Variants in KCND2 observed in about 807,000 individuals in gnomAD.
The protein encoded by KCND2 is potassium voltage-gated channel subfamily D member 2.
In KCND2, 16 loss-of-function variants were observed where a neutral mutation model predicts 54.4. The ratio of observed to expected loss-of-function variants is 0.29; its 90% CI spans 0.20 to 0.45. The LOEUF (loss-of-function observed/expected upper bound fraction) is 0.45. KCND2 is among the 20% of genes least tolerant of loss of function. The probability of loss-of-function intolerance (pLI) is 1.00; values close to 1 mark genes in which losing one functional copy is unlikely to be tolerated. For synonymous variants in KCND2, 317 were observed against 310.7 expected (o/e 1.02, Z -0.21); for missense variants, 486 against 824.2 (o/e 0.59, Z 5.02).
At chr7:120,618,778 CAT>C (rs1414276814) in intron 1 of KCND2, among the ~76,000 whole-genome samples, 2 of 152,154 alleles carry the variant, frequency 1.3e-5, no homozygotes, top group African/African-American at 4.8e-5. Context: ...AATTTAAAAA[CAT>C]ATAAACAAAG....
intron 2 of KCND2, among the ~76,000 whole-genome samples, chr7:120,738,684 G>T (rs747618468): frequency 3.3e-5 from 5 of 151,942 alleles, no homozygotes; most frequent in African/African-American, 4.8e-5. Flanking sequence ...TAAAAGGGTC[G>T]GGGGTAAGAG....
intron 1 of KCND2, among the ~76,000 whole-genome samples, chr7:120,568,245 T>G (rs1025626529): frequency 2.6e-5 from 4 of 152,056 alleles, no homozygotes; most frequent in African/African-American, 4.8e-5. Context: ...AGCTAAAAAA[T>G]TATCAGCCCT....
intron 1 of KCND2, among the ~76,000 whole-genome samples, chr7:120,540,917 T>C (rs910227193): frequency 1.3e-5 from 2 of 152,236 alleles, no homozygotes; most frequent in African/African-American, 4.8e-5. Flanking sequence ...ACTTACTGAC[T>C]TGATAGTTTC....
intron 1 of KCND2, among the ~76,000 whole-genome samples, chr7:120,299,086 G>C (rs1013671381): frequency 2.0e-5 from 3 of 152,078 alleles, no homozygotes; most frequent in Non-Finnish European, 2.9e-5. Context: ...CTTGAACCTG[G>C]GAGGCAGAGG....
chr7:120,335,355 CA>C (rs35404512), intron 1 of KCND2, among the ~76,000 whole-genome samples: 33,137 of 57,810 alleles, frequency 0.57, 8,420 homozygotes, highest in South Asian at 0.81. Flanking sequence ...AAGACTCTAT[CA>C]AAAAAAAAAA....
At chr7:120,376,297 C>T (rs1330414508) in intron 1 of KCND2, among the ~76,000 whole-genome samples, 1 of 151,588 alleles carries the variant, frequency 6.6e-6, no homozygotes, top group Non-Finnish European at 1.5e-5. Flanking sequence ...CATGGTTATA[C>T]TATGAGCTAA....
chr7:120,300,696 T>A (rs910936682), intron 1 of KCND2, among the ~76,000 whole-genome samples: 1 of 152,104 alleles, frequency 6.6e-6, no homozygotes, highest in Non-Finnish European at 1.5e-5. Context: ...TGAAAGTTTT[T>A]ATGATCATCT....
Position 120,469,016 on chromosome 7 carries a change from T to TACAC in KCND2, c.1115+193289_1115+193292dup, listed in dbSNP as rs3067129. Among the ~76,000 whole-genome samples, 361 of 150,050 alleles carry TACAC rather than the reference T, an allele frequency of 2.4e-3. 1 individual carries two copies. Among genetic ancestry groups the TACAC allele is most frequent in the Middle Eastern group, 7.0e-3 (2 of 286 alleles). The stretch of plus-strand genomic sequence containing the variant: ...AAGATCTTTGTGGTTATGGTGTGGA[T>TACAC]ACACACACACACACACACACACAAC... On this transcript the variant is annotated intron_variant, in intron 1 of 5. Transcript: ENST00000331113.
At chr7:120,514,601 G>A (rs1803169259) in intron 1 of KCND2, among the ~76,000 whole-genome samples, 1 of 151,942 alleles carries the variant, frequency 6.6e-6, no homozygotes, top group South Asian at 2.1e-4. Context: ...TGGTTTGTTT[G>A]TTTTTTTACT....
chr7:120,333,159 G>T (rs1411824967), intron 1 of KCND2, among the ~76,000 whole-genome samples: 2 of 151,962 alleles, frequency 1.3e-5, no homozygotes, highest in African/African-American at 4.8e-5. Context: ...CATGTTATTT[G>T]GTGTGTTAAG....
At chr7:120,676,214 A>C (rs1381866118) in intron 1 of KCND2, among the ~76,000 whole-genome samples, 1 of 152,152 alleles carries the variant, frequency 6.6e-6, no homozygotes, top group African/African-American at 2.4e-5. Flanking sequence ...TAATTATTTT[A>C]GCCAGCTTCT....
rs776718080 is a variant in KCND2, at chr7:120,673,907, TTA to T, written c.1116-58994_1116-58993del. ...TCCCCTCATTACCTGCCTCTTTTAT[TTA>T]TTTTTTTTTTTTTCTACAGGAGCCT... On this transcript the variant is annotated intron_variant, in intron 1 of 5. Coordinates refer to ENST00000331113, the MANE Select transcript of KCND2 (RefSeq NM_012281.3). Among the ~76,000 whole-genome samples, 232 of 145,752 alleles carry T rather than the reference TTA, an allele frequency of 1.6e-3. 3 individuals are homozygous for T. The highest frequency in any genetic ancestry group is 4.5e-3 in the African/African-American group (174 of 38,812).
rs111390682 is a variant in KCND2 at position 120,473,208 on chromosome 7, A to G, written c.1115+197461A>G. On this transcript the variant is annotated intron_variant, in intron 1 of 5. Transcript: ENST00000331113. ...GTGGAGCTTGTGATTGTGCTGGTGT[A>G]GCAGTGTATAACTTTCATGGATAAA... is the stretch of plus-strand genomic sequence containing the variant. 2.0e-3 allele frequency among the ~76,000 whole-genome samples: 298 copies of G among 152,336 alleles called. 1 individual carries two copies. The highest frequency in any genetic ancestry group is 2.4e-3 in the Non-Finnish European group (165 of 68,028).
intron 1 of KCND2, among the ~76,000 whole-genome samples, chr7:120,685,117 G>T (rs1022994631): frequency 2.6e-5 from 4 of 152,058 alleles, no homozygotes; most frequent in African/African-American, 9.7e-5. Context: ...TTGGTCCTTG[G>T]TGCCAAAAAG....
chr7:120,407,796 C>T lies in KCND2; in HGVS notation c.1115+132049C>T, dbSNP rs569993209. ...ACATTAACATATAAAAACATAAATG[C>T]CTTCATGTCTTCCAGAAATATGAAA... is the stretch of plus-strand genomic sequence containing the variant. On this transcript the variant is annotated intron_variant, in intron 1 of 5. Transcript: ENST00000331113. Among the ~76,000 whole-genome samples the T allele has an allele frequency of 7.3e-5, 11 of 151,376 alleles. No homozygotes were observed. In the East Asian group the frequency reaches 1.7e-3, roughly 24 times the overall value.
At chr7:120,343,763 C>T (rs1297360592) in intron 1 of KCND2, among the ~76,000 whole-genome samples, 8 of 152,088 alleles carry the variant, frequency 5.3e-5, no homozygotes, top group African/African-American at 1.7e-4. Context: ...TTCTACAGTT[C>T]GAATTTTTTA....
chr7:120,423,828 C>A (rs1306098566), intron 1 of KCND2, among the ~76,000 whole-genome samples: 1 of 152,168 alleles, frequency 6.6e-6, no homozygotes, highest in Non-Finnish European at 1.5e-5. Flanking sequence ...TCTATCCAAG[C>A]CAAACTGCTT....
intron 1 of KCND2, among the ~76,000 whole-genome samples, chr7:120,447,668 C>T (rs988014281): frequency 3.9e-5 from 6 of 152,162 alleles, no homozygotes; most frequent in Middle Eastern, 3.4e-3. Context: ...GATGAAAATA[C>T]GAATTTCTAA....
rs1024761467 is a variant in KCND2, at chr7:120,307,610, A to G, written c.1115+31863A>G. 2.6e-5 allele frequency among the ~76,000 whole-genome samples: 4 copies of G among 152,064 alleles called. No individual in the cohort carries two copies. In the East Asian group the frequency reaches 7.7e-4, roughly 29 times the overall value. ...AGTAATAGAACAGTGTTCAACAAGT[A>G]AAGTGTTTAGATGTGCCTGTGTGGT... On this transcript the variant is annotated intron_variant, in intron 1 of 5. Transcript: ENST00000331113.
Sources: allele counts gnomAD v4.1 joint callset (sites outside exome capture counted in the v4.1 genomes callset), GRCh38; gene constraint gnomAD v4.1.1; transcripts MANE v1.5; gene names NCBI Gene and HGNC (gene_info 2026-07-23, HGNC 2026-07-21).